The following FRY variants were observed in gnomAD, a reference collection of about 807,000 sequenced individuals.
The protein encoded by FRY is protein furry homolog.
Under a neutral mutation model 348.4 loss-of-function variants are expected in FRY, and 128 were observed. That is an observed-to-expected ratio of 0.37 (90% CI 0.32 to 0.43). FRY has a LOEUF of 0.43. Ranked by LOEUF, FRY falls within the 20% of genes least tolerant of loss-of-function variation. The pLI is 1.00. For missense variants in FRY, 2,736 were observed against 3,695.2 expected (o/e 0.74, Z 6.73); for synonymous variants, 1,370 against 1,374.7 (o/e 1.00, Z 0.08).
intron 1 of FRY, among the ~76,000 whole-genome samples, chr13:32,077,610 T>C (rs1321914112): frequency 2.6e-5 from 4 of 152,202 alleles, no homozygotes; most frequent in African/African-American, 9.7e-5. Context: ...GGGACATGTT[T>C]GTAATTTAAT....
chr13:32,058,215 C>T (rs1173076883), intron 1 of FRY, among the ~76,000 whole-genome samples: 1 of 152,066 alleles, frequency 6.6e-6, no homozygotes, highest in Non-Finnish European at 1.5e-5. Context: ...ATCGGGGAGC[C>T]AACAACCTAT....
At chr13:32,178,480 T>C (rs1478942570) in intron 21 of FRY, 44 bp downstream of exon 21, 3 of 1,605,312 alleles carry the variant, frequency 1.9e-6, no homozygotes, top group Admixed American at 1.7e-5. Context: ...GTTTTTCCAT[T>C]TGCCCTCTTA....
At chr13:32,051,730 A>C (rs1416828353) in intron 1 of FRY, among the ~76,000 whole-genome samples, 1 of 152,262 alleles carries the variant, frequency 6.6e-6, no homozygotes, top group Non-Finnish European at 1.5e-5. Flanking sequence ...TTGAGGACCC[A>C]CTGTGTACAA....
chr13:32,087,170 C>T (rs1875930020), intron 2 of FRY, among the ~76,000 whole-genome samples: 1 of 152,190 alleles, frequency 6.6e-6, no homozygotes, highest in African/African-American at 2.4e-5. Flanking sequence ...TCTATTGCAT[C>T]ACACATCATG....
chr13:32,065,122 G>T (rs1371375830), intron 1 of FRY, among the ~76,000 whole-genome samples: 1 of 151,998 alleles, frequency 6.6e-6, no homozygotes, highest in Non-Finnish European at 1.5e-5. Context: ...TATTGCCATT[G>T]TAAAATATAG....
At chr13:32,075,761 A>G (rs1022751642) in intron 1 of FRY, among the ~76,000 whole-genome samples, 1 of 152,248 alleles carries the variant, frequency 6.6e-6, no homozygotes, top group African/African-American at 2.4e-5. Flanking sequence ...GAAGAGGGTT[A>G]CTGAAACTTG....
chr13:32,238,006 C>A lies in FRY; in HGVS notation c.6418+20C>A, dbSNP rs1219288725. 2 of 1,611,422 alleles carry A rather than the reference C, an allele frequency of 1.2e-6. No individual in the cohort carries two copies. The highest frequency in any genetic ancestry group is 1.7e-6 in the Non-Finnish European group (2 of 1,179,664). On this transcript the variant is annotated intron_variant, in intron 44 of 60. Transcript: ENST00000542859. ...CTATTGGTAAAGCCAGCCTCGTTCA[C>A]CCTGTCTCAATTCTGATGGTGACTG...
intron 1 of FRY, among the ~76,000 whole-genome samples, chr13:32,049,312 C>T (rs1278890061): frequency 2.6e-5 from 4 of 152,100 alleles, no homozygotes; most frequent in African/African-American, 9.7e-5. Context: ...CAACTGGATC[C>T]CAAGTTCCCT....
chr13:32,083,332 T>G (rs1306189980), intron 2 of FRY, among the ~76,000 whole-genome samples: 1 of 152,220 alleles, frequency 6.6e-6, no homozygotes, highest in Non-Finnish European at 1.5e-5. Flanking sequence ...TGTATTTTGT[T>G]TCTTTTTTAA....
At chr13:32,254,744 G>T (rs1008987908) in intron 51 of FRY, among the ~76,000 whole-genome samples, 4 of 152,154 alleles carry the variant, frequency 2.6e-5, no homozygotes, top group African/African-American at 9.7e-5. Flanking sequence ...TGGTACCTGG[G>T]TAAAATATGC....
At chr13:32,047,861 C>G (rs1168374697) in intron 1 of FRY, among the ~76,000 whole-genome samples, 3 of 152,206 alleles carry the variant, frequency 2.0e-5, no homozygotes, top group Non-Finnish European at 4.4e-5. Context: ...GTGTGAGGCA[C>G]CACACCCGGC....
At chr13:32,292,222 A>G (rs533623319) in intron 59 of FRY, among the ~76,000 whole-genome samples, 64 of 152,096 alleles carry the variant, frequency 4.2e-4, no homozygotes, top group African/African-American at 1.5e-3. Context: ...ACCTCAAGTG[A>G]TCCACCCCCG....
At chr13:32,130,329 C>G (rs1879276500) in intron 7 of FRY, among the ~76,000 whole-genome samples, 1 of 152,108 alleles carries the variant, frequency 6.6e-6, no homozygotes, top group Non-Finnish European at 1.5e-5. Context: ...GCTTGAGCCA[C>G]AGCACCCAGC....
intron 28 of FRY, among the ~76,000 whole-genome samples, chr13:32,191,983 A>G (rs886149192): frequency 7.2e-5 from 11 of 152,354 alleles, no homozygotes; most frequent in Non-Finnish European, 1.5e-4. Flanking sequence ...CCATTTATAT[A>G]GACCTCAAAA....
chr13:32,092,534 T>C (rs1876384965), intron 2 of FRY, among the ~76,000 whole-genome samples: 1 of 152,230 alleles, frequency 6.6e-6, no homozygotes, highest in African/African-American at 2.4e-5. Flanking sequence ...TTAAAGTCTG[T>C]ATTTTTTTAA....
chr13:32,145,790 C>G (rs1226560369), intron 11 of FRY, among the ~76,000 whole-genome samples: 2 of 151,380 alleles, frequency 1.3e-5, no homozygotes, highest in Non-Finnish European at 2.9e-5. Context: ...ATGATCCACC[C>G]GCCTCGGCCT....
At chr13:32,106,639 G>A (rs1167699730) in intron 3 of FRY, among the ~76,000 whole-genome samples, 1 of 152,116 alleles carries the variant, frequency 6.6e-6, no homozygotes, top group Admixed American at 6.5e-5. Context: ...TTCCAACATA[G>A]CATATACCAT....
chr13:32,244,549 G>C (rs773027509), intron 47 of FRY, among the ~76,000 whole-genome samples: 1 of 152,192 alleles, frequency 6.6e-6, no homozygotes, highest in African/African-American at 2.4e-5. Flanking sequence ...ACATGTGCCG[G>C]GTTCTAGGCC....
At chr13:32,072,281 C>G (rs1041433878) in intron 1 of FRY, among the ~76,000 whole-genome samples, 1 of 152,018 alleles carries the variant, frequency 6.6e-6, no homozygotes, top group Non-Finnish European at 1.5e-5. Flanking sequence ...TTAAGCTTGC[C>G]TTTGGTTATA....
Sources: gnomAD v4.1 joint callset for allele counts (sites outside exome capture counted in the v4.1 genomes callset) on GRCh38, gnomAD v4.1.1 for gene constraint, MANE v1.5 for transcripts, NCBI Gene and HGNC (gene_info 2026-07-23, HGNC 2026-07-21) for gene names.